MACROD2: variants seen among roughly 807,000 people sequenced by gnomAD.
MACROD2 encodes mono-ADP ribosylhydrolase 2.
A neutral mutation model predicts 70.4 loss-of-function variants in MACROD2; 36 were observed. The observed-to-expected ratio is 0.51, with a 90% CI of 0.39 to 0.68. MACROD2 has a LOEUF of 0.68. Among genes scored for constraint, MACROD2 ranks in the 30% least tolerant of loss-of-function variants. The probability of loss-of-function intolerance (pLI) is 0.00; values close to 1 mark genes in which losing one functional copy is unlikely to be tolerated. For synonymous variants in MACROD2, 172 were observed against 178.8 expected, an observed-to-expected ratio of 0.96 and a Z score of 0.30; for missense variants, 496 against 538.4, an observed-to-expected ratio of 0.92 and a Z score of 0.78.
At chr20:15,303,696 T>C (rs80339312) in intron 6 of MACROD2, among the ~76,000 whole-genome samples, 5,748 of 152,296 alleles carry the variant, frequency 0.038, 384 homozygotes, top group African/African-American at 0.13. Context: ...TTTCTTCTAT[T>C]ACAGAGTAAC....
At chr20:14,627,072 A>C (rs1374746305) in intron 4 of MACROD2, 2 of 152,186 alleles carry the variant, frequency 1.3e-5, no homozygotes, top group African/African-American at 4.8e-5. Context: ...AGGAGAAGAG[A>C]TAGACTAGAA....
At chr20:15,819,335 A>G (rs929268689) in intron 8 of MACROD2, among the ~76,000 whole-genome samples, 8 of 142,898 alleles carry the variant, frequency 5.6e-5, no homozygotes, top group African/African-American at 2.5e-5. Context: ...ATATAAATAT[A>G]TAAGTATATA....
chr20:15,272,443 G>A (rs190267723), intron 6 of MACROD2, among the ~76,000 whole-genome samples: 7 of 152,262 alleles, frequency 4.6e-5, no homozygotes, highest in Non-Finnish European at 1.5e-5. Context: ...GATACATGTA[G>A]GGAAATATTC....
intron 8 of MACROD2, among the ~76,000 whole-genome samples, chr20:15,565,904 C>G (rs1044357254): frequency 2.0e-5 from 3 of 151,968 alleles, no homozygotes; most frequent in Non-Finnish European, 4.4e-5. Context: ...CCAAGCCACA[C>G]TGGGTTTGCA....
Position 15,893,979 on chromosome 20 carries a change from G to A in MACROD2, c.775+8168G>A, listed in dbSNP as rs777232462. The A allele has an allele frequency of 1.8e-5, 8 of 455,726 alleles. 1 individual carries two copies. Among genetic ancestry groups the A allele is most frequent in the South Asian group, 1.1e-4 (7 of 64,494 alleles). The allele number at this position is 455,726 out of a possible 1,614,324, so 28.2% of individuals were successfully genotyped here. On this transcript the variant is annotated intron_variant, in intron 10 of 17. Coordinates refer to ENST00000684519, the MANE Select transcript of MACROD2 (RefSeq NM_001351661.2). ...GTCTGGAGGAGTCCTGCACTGGGCA[G>A]GAATAGCTGGGCTCTAGGGTCTCGC...
chr20:15,586,042 C>T (rs1006444677), intron 8 of MACROD2, among the ~76,000 whole-genome samples: 1 of 152,160 alleles, frequency 6.6e-6, no homozygotes, highest in African/African-American at 2.4e-5. Context: ...CCCTCCTAGC[C>T]ACCCTCCAGC....
chr20:14,551,722 C>T (rs186422007), intron 4 of MACROD2, among the ~76,000 whole-genome samples: 1 of 151,994 alleles, frequency 6.6e-6, no homozygotes, highest in African/African-American at 2.4e-5. Flanking sequence ...TAAGAATAGA[C>T]CTTTGTATTT....
At chr20:14,330,276 T>C (rs567446186) in intron 3 of MACROD2, among the ~76,000 whole-genome samples, 13 of 152,158 alleles carry the variant, frequency 8.5e-5, no homozygotes, top group African/African-American at 3.1e-4. Flanking sequence ...TGCACGAAGA[T>C]TTTTTGAGAG....
At chr20:14,925,491 A>G (rs563414448) in intron 5 of MACROD2, among the ~76,000 whole-genome samples, 1 of 152,276 alleles carries the variant, frequency 6.6e-6, no homozygotes, top group East Asian at 1.9e-4. Flanking sequence ...AGGCTGTTAC[A>G]TGTTTCTATC....
intron 6 of MACROD2, among the ~76,000 whole-genome samples, chr20:15,256,877 A>G (rs2077203926): frequency 6.6e-6 from 1 of 151,834 alleles, no homozygotes; most frequent in African/African-American, 2.4e-5. Flanking sequence ...CTAGTTATAT[A>G]TTCAGTACTA....
intron 8 of MACROD2, among the ~76,000 whole-genome samples, chr20:15,844,649 G>A (rs1352407256): frequency 6.6e-6 from 1 of 152,070 alleles, no homozygotes; most frequent in Non-Finnish European, 1.5e-5. Flanking sequence ...TTCTGTCCAG[G>A]AAAGTCTCCT....
intron 7 of MACROD2, among the ~76,000 whole-genome samples, chr20:15,463,783 T>C (rs1276560563): frequency 1.3e-5 from 2 of 152,138 alleles, no homozygotes; most frequent in African/African-American, 4.8e-5. Flanking sequence ...TAAAAACTAC[T>C]GTAAAATATA....
intron 5 of MACROD2, among the ~76,000 whole-genome samples, chr20:14,767,420 G>T (rs1199504160): frequency 6.6e-6 from 1 of 151,976 alleles, no homozygotes; most frequent in Non-Finnish European, 1.5e-5. Context: ...AGAAATGCAA[G>T]TGAGGGAGTA....
chr20:15,024,901 TC>T (rs1285234914), intron 5 of MACROD2, among the ~76,000 whole-genome samples: 1 of 152,180 alleles, frequency 6.6e-6, no homozygotes, highest in Non-Finnish European at 1.5e-5. Flanking sequence ...GGTACCAACC[TC>T]CTCATAAATA....
chr20:15,976,537 G>A (rs2066309089), intron 13 of MACROD2, among the ~76,000 whole-genome samples: 1 of 152,232 alleles, frequency 6.6e-6, no homozygotes, highest in East Asian at 1.9e-4. Context: ...AGGATGGAAT[G>A]TGAAAGGTCT....
intron 5 of MACROD2, among the ~76,000 whole-genome samples, chr20:14,902,903 A>T (rs1022078334): frequency 6.6e-6 from 1 of 152,120 alleles, no homozygotes; most frequent in Non-Finnish European, 1.5e-5. Context: ...AGAGGGTACC[A>T]TGTAGGAAGT....
intron 5 of MACROD2, among the ~76,000 whole-genome samples, chr20:15,022,319 C>G (rs768249104): frequency 6.6e-6 from 1 of 152,122 alleles, no homozygotes; most frequent in African/African-American, 2.4e-5. Flanking sequence ...AATACCAATT[C>G]ACGGTCTGAA....
At chr20:15,670,524 G>T (rs1004829049) in intron 8 of MACROD2, among the ~76,000 whole-genome samples, 1 of 152,120 alleles carries the variant, frequency 6.6e-6, no homozygotes, top group African/African-American at 2.4e-5. Context: ...AAAACCTCCT[G>T]ATTGCCTGTT....
At chr20:15,156,564 T>C (rs2076308294) in intron 5 of MACROD2, among the ~76,000 whole-genome samples, 1 of 152,124 alleles carries the variant, frequency 6.6e-6, no homozygotes, top group African/African-American at 2.4e-5. Context: ...CACCTTCAAG[T>C]TAATTACCCA....
Sources: gnomAD v4.1 joint callset for allele counts (sites outside exome capture counted in the v4.1 genomes callset) on GRCh38, gnomAD v4.1.1 for gene constraint, MANE v1.5 for transcripts, NCBI Gene and HGNC (gene_info 2026-07-23, HGNC 2026-07-21) for gene names.